The following SLC71A2 variants were observed in gnomAD, a reference collection of about 807,000 sequenced individuals.
SLC71A2 encodes hippocampus abundant transcript-like 1.
chr9:94,459,373 T>C, the SLC71A2 span: 1 of 1,614,008 alleles, frequency 6.2e-7, no homozygotes, highest in East Asian at 2.2e-5. Context: ...GGGAGCTCTC[T>C]TCATTTGAGG....
chr9:94,377,835 G>A, the SLC71A2 span, among the ~76,000 whole-genome samples: 3 of 152,038 alleles, frequency 2.0e-5, no homozygotes, highest in African/African-American at 4.8e-5. Context: ...CGCCGGGCAC[G>A]GTGGCTCACA....
At chr9:94,383,302 A>G in the SLC71A2 span, among the ~76,000 whole-genome samples, 3 of 151,194 alleles carry the variant, frequency 2.0e-5, no homozygotes, top group Non-Finnish European at 4.4e-5. Flanking sequence ...AGCTGGGATT[A>G]CAGGCGCACG....
the SLC71A2 span, among the ~76,000 whole-genome samples, chr9:94,432,448 C>T: frequency 2.0e-5 from 3 of 151,886 alleles, no homozygotes; most frequent in African/African-American, 4.8e-5. Flanking sequence ...TGCAGTGAGC[C>T]GAGATCGTGC....
the SLC71A2 span, among the ~76,000 whole-genome samples, chr9:94,449,100 A>G: frequency 1.3e-5 from 2 of 152,226 alleles, no homozygotes; most frequent in African/African-American, 4.8e-5. Context: ...GAGACAGTCC[A>G]AGGAAGAAAG....
chr9:94,417,141 A>G, the SLC71A2 span, among the ~76,000 whole-genome samples: 388 of 152,288 alleles, frequency 2.5e-3, 1 homozygote, highest in African/African-American at 8.9e-3. Flanking sequence ...TTTGTTCAGG[A>G]CACATTTTTA....
the SLC71A2 span, among the ~76,000 whole-genome samples, chr9:94,401,577 A>G: frequency 3.3e-5 from 5 of 151,750 alleles, no homozygotes; most frequent in East Asian, 5.8e-4. Context: ...ATCGGGATTT[A>G]TTACCTCATT....
At chr9:94,379,442 C>T in the SLC71A2 span, among the ~76,000 whole-genome samples, 7 of 135,674 alleles carry the variant, frequency 5.2e-5, no homozygotes, top group East Asian at 2.3e-4. Context: ...GGCTGGAGTG[C>T]GGTGGCGCAC....
At chr9:94,458,503 T>G in the SLC71A2 span, 2 of 1,595,026 alleles carry the variant, frequency 1.3e-6, no homozygotes, top group Non-Finnish European at 1.7e-6. Flanking sequence ...ACAACAATTA[T>G]GTATGATTAT....
the SLC71A2 span, among the ~76,000 whole-genome samples, chr9:94,411,866 T>A: frequency 2.0e-5 from 3 of 152,168 alleles, no homozygotes; most frequent in African/African-American, 4.8e-5. Flanking sequence ...GCTGTGATTA[T>A]AGGTGTGAGC....
chr9:94,446,780 T>C, the SLC71A2 span: 1 of 977,960 alleles, frequency 1.0e-6, no homozygotes, highest in East Asian at 2.4e-5. Flanking sequence ...GCAACATTAA[T>C]GTGTATTGGC....
the SLC71A2 span, chr9:94,441,079 C>T: frequency 4.4e-6 from 7 of 1,599,176 alleles, no homozygotes; most frequent in African/African-American, 2.7e-5. Context: ...GGAGCACGAG[C>T]GAAGTACAGC....
chr9:94,424,918 T>C, the SLC71A2 span, among the ~76,000 whole-genome samples: 5 of 147,916 alleles, frequency 3.4e-5, no homozygotes, highest in African/African-American at 1.3e-4. Context: ...TTTTTTTTTT[T>C]AAATAATAAA....
chr9:94,455,049 A>G, the SLC71A2 span, among the ~76,000 whole-genome samples: 1 of 151,944 alleles, frequency 6.6e-6, no homozygotes, highest in African/African-American at 2.4e-5. Flanking sequence ...AACAGACAAC[A>G]TAATTTAGAG....
At chr9:94,456,635 G>A in the SLC71A2 span, among the ~76,000 whole-genome samples, 1 of 152,208 alleles carries the variant, frequency 6.6e-6, no homozygotes, top group East Asian at 1.9e-4. Context: ...TCACAATTAA[G>A]CAGACTATAA....
At chr9:94,450,211 ATCTT>A in the SLC71A2 span, among the ~76,000 whole-genome samples, 1 of 152,234 alleles carries the variant, frequency 6.6e-6, no homozygotes, top group South Asian at 2.1e-4. Flanking sequence ...TTTAAATTCT[ATCTT>A]AATAAAGCTC....
the SLC71A2 span, among the ~76,000 whole-genome samples, chr9:94,408,505 G>A: frequency 6.6e-6 from 1 of 152,070 alleles, no homozygotes; most frequent in Admixed American, 6.6e-5. Context: ...ATTCTGGGAG[G>A]TTTTTGATTA....
chr9:94,458,164 T>G, the SLC71A2 span, among the ~76,000 whole-genome samples: 67 of 151,676 alleles, frequency 4.4e-4, no homozygotes, highest in South Asian at 0.014. Context: ...TATTTTATAA[T>G]GGATAAAGTC....
chr9:94,435,897 C>A, the SLC71A2 span, among the ~76,000 whole-genome samples: 5 of 152,100 alleles, frequency 3.3e-5, no homozygotes, highest in Non-Finnish European at 5.9e-5. Flanking sequence ...GTGATCCGCC[C>A]GCCTCAACCT....
the SLC71A2 span, among the ~76,000 whole-genome samples, chr9:94,411,913 A>G: frequency 6.6e-6 from 1 of 152,118 alleles, no homozygotes; most frequent in African/African-American, 2.4e-5. Flanking sequence ...TTGCTGTTAC[A>G]GTGTTTTAGC....
Sources: allele counts gnomAD v4.1 joint callset (sites outside exome capture counted in the v4.1 genomes callset), GRCh38; gene constraint gnomAD v4.1.1; transcripts MANE v1.5; gene names NCBI Gene and HGNC (gene_info 2026-07-23, HGNC 2026-07-21).